SYNPR: variants seen among roughly 807,000 people sequenced by gnomAD.
The protein encoded by SYNPR is synaptoporin.
SYNPR carries 23 observed loss-of-function variants against 32.9 expected under a neutral mutation model. The ratio of observed to expected loss-of-function variants is 0.70; its 90% CI spans 0.50 to 0.99. The LOEUF (loss-of-function observed/expected upper bound fraction) is 0.99. Ranked by LOEUF, SYNPR falls within the 50% of genes least tolerant of loss-of-function variation. The pLI is 0.00. For synonymous variants in SYNPR, 146 were observed against 135.9 expected (o/e 1.07, Z -0.52); for missense variants, 318 against 349.3 (o/e 0.91, Z 0.71).
intron 4 of SYNPR, among the ~76,000 whole-genome samples, chr3:63,571,535 C>G (rs1011059220): frequency 6.6e-6 from 1 of 151,918 alleles, no homozygotes; most frequent in African/African-American, 2.4e-5. Context: ...TAACAGCCAA[C>G]CTTTTAAAGA....
rs139943191 is a variant in SYNPR, at chr3:63,443,027, C to A, written c.85-37805C>A. 515 of 997,666 alleles carry A rather than the reference C, an allele frequency of 5.2e-4. 9 individuals are homozygous for A. In the East Asian group the frequency reaches 0.032, roughly 61 times the overall value. The allele number at this position is 997,666 out of a possible 1,614,324, so 61.8% of individuals were successfully genotyped here. A position where few individuals can be genotyped will look rare whatever the true frequency, so the allele number is the denominator to read the frequency against. On this transcript the variant is annotated intron_variant, in intron 2 of 5. Coordinates refer to ENST00000478300, the MANE Select transcript of SYNPR (RefSeq NM_001130003.2). The stretch of plus-strand genomic sequence containing the variant: ...TGTGCTTGCAGGAGGAGGGGGCTGG[C>A]AGAGTAAAGGGGAGATGGTGCCTCT...
At chr3:63,494,996 C>T (rs1322950460) in intron 3 of SYNPR, among the ~76,000 whole-genome samples, 2 of 152,150 alleles carry the variant, frequency 1.3e-5, no homozygotes, top group African/African-American at 2.4e-5. Context: ...CCTTGGGACT[C>T]AGAATCACTG....
chr3:63,337,785 CA>C, intron 2 of SYNPR, among the ~76,000 whole-genome samples: 1 of 152,164 alleles, frequency 6.6e-6, no homozygotes, highest in South Asian at 2.1e-4. Flanking sequence ...TGTATGATTC[CA>C]AATAAATGAC....
chr3:63,609,053 T>C (rs1700161109), intron 4 of SYNPR, 72 bp from the exon 5 acceptor site: 5 of 1,501,300 alleles, frequency 3.3e-6, no homozygotes, highest in South Asian at 2.7e-5. Context: ...CAAATAGTTA[T>C]ATAAACAAAT....
Position 63,494,920 on chromosome 3 carries a change from C to T in SYNPR, c.209+13964C>T, listed in dbSNP as rs114631495. Among the ~76,000 whole-genome samples, 1,104 of 152,256 alleles carry T rather than the reference C, an allele frequency of 7.3e-3. 6 individuals are homozygous for T. The highest frequency in any genetic ancestry group is 9.1e-3 in the Non-Finnish European group (620 of 68,026). On this transcript the variant is annotated intron_variant, in intron 3 of 5. Transcript: ENST00000478300. Reference sequence around the variant, plus strand: ...CTCATTCCTACATTTATAGCCTATTCCTCATACCAGCCAAACCAGGAAGGT... The same window carrying T: ...CTCATTCCTACATTTATAGCCTATTTCTCATACCAGCCAAACCAGGAAGGT...
chr3:63,287,162 G>A (rs1480959196), intron 2 of SYNPR, among the ~76,000 whole-genome samples: 1 of 152,164 alleles, frequency 6.6e-6, no homozygotes, highest in African/African-American at 2.4e-5. Context: ...TTCCTTAGGA[G>A]AGGGGAATGT....
intron 4 of SYNPR, among the ~76,000 whole-genome samples, chr3:63,606,950 A>C (rs1312231852): frequency 6.6e-6 from 1 of 152,198 alleles, no homozygotes; most frequent in African/African-American, 2.4e-5. Context: ...ACTTGGAATA[A>C]TACTTGACAC....
At chr3:63,426,847 G>T (rs1349253973) in intron 2 of SYNPR, 5 of 152,102 alleles carry the variant, frequency 3.3e-5, no homozygotes, top group African/African-American at 1.2e-4. Flanking sequence ...CCACTGCAGG[G>T]CAGTTCTGGT....
At chr3:63,494,397 A>ATATATATATATATATATATACG (rs1384122993) in intron 3 of SYNPR, among the ~76,000 whole-genome samples, 5 of 34,124 alleles carry the variant, frequency 1.5e-4, no homozygotes, top group Admixed American at 2.7e-4. Flanking sequence ...TAATTCTTAT[A>ATATATATATATATATATATACG]TATATATATA....
intron 2 of SYNPR, among the ~76,000 whole-genome samples, chr3:63,409,708 TA>T (rs1192290791): frequency 5.3e-5 from 8 of 152,188 alleles, no homozygotes; most frequent in African/African-American, 1.9e-4. Context: ...TAGATGTTAT[TA>T]TTGTCCTTAT....
intron 2 of SYNPR, among the ~76,000 whole-genome samples, chr3:63,403,491 G>A (rs1207560502): frequency 2.6e-5 from 4 of 151,704 alleles, no homozygotes; most frequent in Non-Finnish European, 4.4e-5. Context: ...GGATGAGACA[G>A]AGGCATATTT....
intron 2 of SYNPR, chr3:63,443,094 C>T: frequency 9.2e-7 from 1 of 1,082,560 alleles, no homozygotes; most frequent in Non-Finnish European, 1.1e-6. Flanking sequence ...TCCTGCACTT[C>T]CAGTTGTGAG....
chr3:63,403,556 T>C (rs1485073001), intron 2 of SYNPR, among the ~76,000 whole-genome samples: 1 of 152,082 alleles, frequency 6.6e-6, no homozygotes, highest in Non-Finnish European at 1.5e-5. Context: ...CATCCTCATT[T>C]AACAGATGAG....
intron 2 of SYNPR, among the ~76,000 whole-genome samples, chr3:63,371,189 C>T (rs2087807886): frequency 6.6e-6 from 1 of 152,036 alleles, no homozygotes; most frequent in Non-Finnish European, 1.5e-5. Context: ...CACACTTCTA[C>T]CATGGACTTT....
At chr3:63,345,843 C>T (rs1421319056) in intron 2 of SYNPR, among the ~76,000 whole-genome samples, 9 of 151,358 alleles carry the variant, frequency 5.9e-5, no homozygotes, top group African/African-American at 1.7e-4. Flanking sequence ...GAGATGGACT[C>T]TTGTTCTGTT....
intron 3 of SYNPR, among the ~76,000 whole-genome samples, chr3:63,521,696 A>T (rs1329363595): frequency 6.6e-6 from 1 of 152,208 alleles, no homozygotes; most frequent in Non-Finnish European, 1.5e-5. Context: ...CCCACATTGG[A>T]TCAGGCAAAT....
chr3:63,595,595 C>A (rs1239109151), intron 4 of SYNPR, among the ~76,000 whole-genome samples: 1 of 149,296 alleles, frequency 6.7e-6, no homozygotes, highest in Non-Finnish European at 1.5e-5. Context: ...AAAATACAAA[C>A]AGTAGTAATA....
At chr3:63,443,118 G>A in intron 2 of SYNPR, 1 of 1,127,026 alleles carries the variant, frequency 8.9e-7, no homozygotes, top group Non-Finnish European at 1.1e-6. Flanking sequence ...AGAGCCAAGT[G>A]TGGGAGCTCA....
chr3:63,551,038 A>G (rs1702492374), intron 3 of SYNPR, among the ~76,000 whole-genome samples: 1 of 152,156 alleles, frequency 6.6e-6, no homozygotes, highest in South Asian at 2.1e-4. Flanking sequence ...GACATAATTC[A>G]CATACCATAC....
Sources: gnomAD v4.1 joint callset for allele counts (sites outside exome capture counted in the v4.1 genomes callset) on GRCh38, gnomAD v4.1.1 for gene constraint, MANE v1.5 for transcripts, NCBI Gene and HGNC (gene_info 2026-07-23, HGNC 2026-07-21) for gene names.